The following REPS2 variants were observed in gnomAD, a reference collection of about 807,000 sequenced individuals.
REPS2 encodes ralBP1-associated Eps domain-containing protein 2.
Under a neutral mutation model 53.6 loss-of-function variants are expected in REPS2, and 23 were observed. The ratio of observed to expected loss-of-function variants is 0.43; its 90% CI spans 0.31 to 0.61. The LOEUF is 0.61. Ranked by LOEUF, REPS2 falls within the 20% of genes least tolerant of loss-of-function variation. The probability of loss-of-function intolerance (pLI) is 0.11; values close to 1 mark genes in which losing one functional copy is unlikely to be tolerated. For synonymous variants in REPS2, 238 were observed against 218.6 expected, an observed-to-expected ratio of 1.09 and a Z score of -0.78; for missense variants, 446 against 534.9, an observed-to-expected ratio of 0.83 and a Z score of 1.64.
At position 16,946,753 on chromosome X, in the gene REPS2, TGGCGGCGGCGGC is replaced by T. The variant is rs746608999; in HGVS notation, c.-99_-88del. 7 of 725,385 alleles carry T rather than the reference TGGCGGCGGCGGC, an allele frequency of 9.7e-6. No homozygotes were observed. The highest frequency in any genetic ancestry group is 2.6e-5 in the African/African-American group (1 of 38,701). The allele number at this position is 725,385 out of a possible 1,213,427, so 59.8% of individuals were successfully genotyped here. A position where few individuals can be genotyped will look rare whatever the true frequency, so the allele number is the denominator to read the frequency against. The stretch of plus-strand genomic sequence containing the variant: ...GGGGTGGTGGTGGCGGCGGCGGTGG[TGGCGGCGGCGGC>T]GGCGGCGGCAGCTGAGGCCGAGGAG... On this transcript the variant is annotated 5_prime_UTR_variant, in exon 1 of 18. Coordinates refer to ENST00000357277, the MANE Select transcript of REPS2 (RefSeq NM_004726.3).
Position 17,138,873 on chromosome X carries a change from A to G in REPS2, c.1826A>G (p.Lys609Arg), listed in dbSNP as rs2063407810. ...PTVQKQSSKQ[K>R]KAIQTAIRKN... The stretch of plus-strand genomic sequence containing the variant: ...TTCTATAGGCAGTCTTCCAAACAGA[A>G]GAAGGCCATTCAAACTGCTATCCGC... The change falls in exon 17 of 18, where the codon AAG becomes AGG. Residue 609 changes from lysine (K) to arginine (R), a missense_variant. Physicochemically the swap from Lys to Arg is conservative, Grantham distance 26 (BLOSUM62 2). Transcript: ENST00000357277. 1 of 1,202,664 alleles carries G rather than the reference A, an allele frequency of 8.3e-7. No homozygotes were observed. Among genetic ancestry groups the G allele is most frequent in the Non-Finnish European group, 1.1e-6 (1 of 890,648 alleles).
chrX:17,125,294 T>A (rs1048959694), intron 14 of REPS2, among the ~76,000 whole-genome samples: 5 of 111,563 alleles, frequency 4.5e-5, no homozygotes, highest in Non-Finnish European at 7.5e-5. Context: ...CCCTCTATGA[T>A]GAATGGATGA....
intron 5 of REPS2, among the ~76,000 whole-genome samples, chrX:17,032,693 A>C (rs1214993217): frequency 3.6e-5 from 4 of 111,671 alleles, no homozygotes; most frequent in Non-Finnish European, 7.5e-5. Context: ...CCTTGTATTC[A>C]AGTTCTTCCT....
chrX:17,058,912 CT>C (rs764784593), intron 8 of REPS2, among the ~76,000 whole-genome samples: 14 of 110,985 alleles, frequency 1.3e-4, no homozygotes, highest in African/African-American at 4.6e-4. Flanking sequence ...CTCCTCTGTG[CT>C]TTTTTTGCTT....
chrX:16,983,086 A>G (rs919603325), intron 1 of REPS2, among the ~76,000 whole-genome samples: 1 of 112,740 alleles, frequency 8.9e-6, no homozygotes, highest in African/African-American at 3.2e-5. Flanking sequence ...AGCTCCCACA[A>G]CAAAGAATTA....
the REPS2 span, among the ~76,000 whole-genome samples, chrX:17,193,345 A>T: frequency 9.0e-6 from 1 of 111,401 alleles, no homozygotes; most frequent in South Asian, 3.8e-4. Context: ...TGAAATATGC[A>T]TGTGTACCCT....
chrX:17,022,838 G>T (rs984691489), intron 3 of REPS2, among the ~76,000 whole-genome samples: 1 of 112,185 alleles, frequency 8.9e-6, no homozygotes, highest in African/African-American at 3.2e-5. Flanking sequence ...AACATATTTG[G>T]AATACTATCT....
intron 1 of REPS2, among the ~76,000 whole-genome samples, chrX:16,967,990 C>T (rs934053655): frequency 6.3e-5 from 7 of 110,890 alleles, no homozygotes; most frequent in Non-Finnish European, 1.1e-4. Context: ...ACTCTGCGGC[C>T]TTCCGCAGTG....
the REPS2 span, among the ~76,000 whole-genome samples, chrX:17,182,748 G>A: frequency 8.9e-6 from 1 of 112,315 alleles, no homozygotes; most frequent in African/African-American, 3.2e-5. Context: ...GCATTGCAAG[G>A]GCATTTGACG....
At chrX:17,071,807 C>T (rs1287145262) in intron 11 of REPS2, among the ~76,000 whole-genome samples, 1 of 111,735 alleles carries the variant, frequency 8.9e-6, no homozygotes, top group Non-Finnish European at 1.9e-5. Context: ...AGATGACATG[C>T]CTTGAGTGTT....
chrX:17,061,348 C>T (rs1296579378), intron 8 of REPS2, among the ~76,000 whole-genome samples: 3 of 111,975 alleles, frequency 2.7e-5, no homozygotes, highest in East Asian at 5.6e-4. Flanking sequence ...CTATGTTGCC[C>T]AGGCTGGTCT....
chrX:17,021,942 C>A (rs367666366), intron 2 of REPS2, among the ~76,000 whole-genome samples, 181 bp from the exon 3 acceptor site: 2 of 112,062 alleles, frequency 1.8e-5, no homozygotes, highest in South Asian at 7.4e-4. Flanking sequence ...TTGGTTAAAC[C>A]ATAGCATTTT....
At chrX:17,010,616 G>A (rs2061416865) in intron 2 of REPS2, among the ~76,000 whole-genome samples, 1 of 111,752 alleles carries the variant, frequency 8.9e-6, no homozygotes, top group South Asian at 3.8e-4. Context: ...GTGTAAGGGG[G>A]AGGGAAGAGG....
intron 13 of REPS2, among the ~76,000 whole-genome samples, chrX:17,094,066 A>G (rs1290198866): frequency 8.9e-6 from 1 of 111,858 alleles, no homozygotes; most frequent in African/African-American, 3.2e-5. Context: ...TTATTACTGT[A>G]TCCTGTGTCT....
At chrX:17,190,535 G>A in the REPS2 span, among the ~76,000 whole-genome samples, 1 of 112,192 alleles carries the variant, frequency 8.9e-6, no homozygotes, top group Non-Finnish European at 1.9e-5. Context: ...TTGTTTAGAT[G>A]TCAGTTCTCC....
chrX:17,130,284 A>C (rs2063274239), intron 14 of REPS2, among the ~76,000 whole-genome samples: 1 of 111,375 alleles, frequency 9.0e-6, no homozygotes, highest in African/African-American at 3.3e-5. Flanking sequence ...CAGGTACTTC[A>C]AACTCAATCT....
At chrX:17,005,239 G>A (rs1240256289) in intron 1 of REPS2, among the ~76,000 whole-genome samples, 1 of 111,290 alleles carries the variant, frequency 9.0e-6, no homozygotes, top group Non-Finnish European at 1.9e-5. Flanking sequence ...TATGCTAGGA[G>A]ATGAATGGAA....
chrX:17,192,577 A>G, the REPS2 span, among the ~76,000 whole-genome samples: 87 of 111,954 alleles, frequency 7.8e-4, no homozygotes, highest in Non-Finnish European at 1.4e-3. Context: ...CATGAGGTGA[A>G]TGGGGGAGCA....
At chrX:17,073,569 A>G (rs1005513652) in intron 11 of REPS2, among the ~76,000 whole-genome samples, 1 of 111,694 alleles carries the variant, frequency 9.0e-6, no homozygotes, top group Admixed American at 9.5e-5. Context: ...GGTCACAGAC[A>G]TGTGGGACAC....
Sources: gnomAD v4.1 joint callset for allele counts (sites outside exome capture counted in the v4.1 genomes callset) on GRCh38, gnomAD v4.1.1 for gene constraint, MANE v1.5 for transcripts, NCBI Gene and HGNC (gene_info 2026-07-23, HGNC 2026-07-21) for gene names.